The following INF2 variants were observed in gnomAD, a reference collection of about 807,000 sequenced individuals.
INF2 encodes inverted formin 2.
A neutral mutation model predicts 123.5 loss-of-function variants in INF2; 43 were observed. The ratio of observed to expected loss-of-function variants is 0.35; its 90% CI spans 0.27 to 0.45. The LOEUF (loss-of-function observed/expected upper bound fraction) is 0.45, where lower values mean the gene tolerates loss of function less well. Among genes scored for constraint, INF2 ranks in the 20% least tolerant of loss-of-function variants. INF2 has a pLI of 1.00. For missense variants in INF2, 1,453 were observed against 1,682.7 expected (o/e 0.86, Z 2.39); for synonymous variants, 851 against 745.0 (o/e 1.14, Z -2.32).
intron 17 of INF2, 52 bp from the exon 18 acceptor site, chr14:104,712,776 G>A (rs569321480): frequency 6.5e-7 from 1 of 1,547,580 alleles, no homozygotes; most frequent in Non-Finnish European, 8.7e-7. Context: ...CCTCACCCCG[G>A]GTGGTGCCCG....
In INF2 at chr14:104,712,888, C is replaced by T. The variant is rs926222455; in HGVS notation, c.2671C>T (p.Arg891Trp). The change falls in exon 18 of 23, where the codon CGG (arginine) becomes TGG (tryptophan). Residue 891 changes from arginine (R) to tryptophan (W), a missense_variant. Physicochemically the swap from Arg to Trp is moderately radical, Grantham distance 101. This residue lies in a region of INF2 where 212 missense variants were observed against 266.2 expected (regional missense o/e 0.80). Coordinates refer to ENST00000392634, the MANE Select transcript of INF2 (RefSeq NM_022489.4). ...ELFEAIEQKQ[R>W]ELADYLCEDA... is the part of the protein sequence containing the mutation. ...GTTTGAGGCCATCGAGCAGAAGCAA[C>T]GGGAGCTGGCCGACTACCTGTGTGA... is the stretch of plus-strand genomic sequence containing the variant. The T allele has an allele frequency of 4.3e-6, 7 of 1,612,568 alleles. No individual in the cohort carries two copies. Among genetic ancestry groups the T allele is most frequent in the East Asian group, 2.2e-5 (1 of 44,894 alleles).
rs1278033939 is a variant in INF2 at position 104,707,664 on chromosome 14, T to G, written c.1397T>G (p.Leu466Arg). 2 of 531,236 alleles carry G rather than the reference T, an allele frequency of 3.8e-6. No individual in the cohort carries two copies. The highest frequency in any genetic ancestry group is 6.0e-6 in the Non-Finnish European group (2 of 331,090). 32.9% of individuals were successfully genotyped at this position (531,236 alleles called of 1,614,324 possible). A position where few individuals can be genotyped will look rare whatever the true frequency, so the allele number is the denominator to read the frequency against. ...CCCCCGCCCCCACCCCTGCCAGGCC[T>G]GGGGGCCATGGCCCCCCCAGCACCT... Reference protein sequence around the residue: ...TAPPPPPLPGLGAMAPPAPPL... With the variant: ...TAPPPPPLPGRGAMAPPAPPL... The change falls in exon 8 of 23, where the codon CTG (leucine) becomes CGG (arginine). Residue 466 changes from leucine to arginine, a missense_variant. Transcript: ENST00000392634.
chr14:104,715,363 G>A (rs768669334), intron 22 of INF2, 23 bp downstream of exon 22: 15 of 1,609,144 alleles, frequency 9.3e-6, no homozygotes, highest in East Asian at 2.2e-5. Flanking sequence ...CCGGCGCTCC[G>A]TGGGGGCTAA....
chr14:104,694,990 CT>C (rs1279574171), intron 1 of INF2, among the ~76,000 whole-genome samples: 2 of 152,264 alleles, frequency 1.3e-5, no homozygotes, highest in Non-Finnish European at 2.9e-5. Flanking sequence ...TTGAGAGAGG[CT>C]TTTTCTGAGG....
upstream of INF2, chr14:104,689,135 GCT>G: frequency 4.5e-6 from 4 of 891,760 alleles, no homozygotes; most frequent in Non-Finnish European, 5.4e-6. Flanking sequence ...TGATGGGTAG[GCT>G]CTCTCTCCCC....
At chr14:104,688,062 T>C (rs1191519108), upstream of INF2, among the ~76,000 whole-genome samples, 1 of 152,250 alleles carries the variant, frequency 6.6e-6, no homozygotes, top group Non-Finnish European at 1.5e-5. Flanking sequence ...AGGAAGGCCT[T>C]CTGCTCTGGA....
At chr14:104,703,511 C>G in intron 4 of INF2, 57 bp downstream of exon 4, 1 of 1,594,458 alleles carries the variant, frequency 6.3e-7, no homozygotes, top group Non-Finnish European at 8.5e-7. Context: ...GCCAGTGCAT[C>G]CCATGCTGCA....
chr14:104,702,468 C>T (rs1168140859), intron 2 of INF2, among the ~76,000 whole-genome samples: 1 of 147,836 alleles, frequency 6.8e-6, no homozygotes, highest in Non-Finnish European at 1.5e-5. Context: ...GAGAGAAACC[C>T]TTGCTGTGCC....
Position 104,689,734 on chromosome 14 carries a change from C to T in INF2, c.-15C>T, listed in dbSNP as rs1412668812. ...CACCACCGCCCTCTGGCCGTTGCCT[C>T]ACCGGGTAAGTCCTTGGCCTCGGGG... On this transcript the variant is annotated 5_prime_UTR_variant, in exon 1 of 23. Coordinates refer to ENST00000392634, the MANE Select transcript of INF2 (RefSeq NM_022489.4). 13 of 985,018 alleles carry T rather than the reference C, an allele frequency of 1.3e-5. No homozygotes were observed. The highest frequency in any genetic ancestry group is 6.2e-5 in the Admixed American group (1 of 16,242). 61.0% of individuals were successfully genotyped at this position (985,018 alleles called of 1,614,324 possible). A position where few individuals can be genotyped will look rare whatever the true frequency, so the allele number is the denominator to read the frequency against.
chr14:104,712,830 C>G lies in INF2; in HGVS notation c.2613C>G (p.Ala871=), dbSNP rs2140692107. Residue 871 remains alanine, a splice_region_variant and synonymous_variant, in exon 18 of 23, where the codon GCC becomes GCG. Coordinates refer to ENST00000392634, the MANE Select transcript of INF2 (RefSeq NM_022489.4). ...CTGTCACGTGCCCTTGCCCCCAGGC[C>G]AGCATCTCGGCCTTCCGGGCACTGG... ...VQEQYTERLQ[A]SISAFRALDE... is the part of the protein sequence containing the mutation. The G allele has an allele frequency of 6.2e-7, 1 of 1,608,958 alleles. No individual in the cohort carries two copies. Among genetic ancestry groups the G allele is most frequent in the Non-Finnish European group, 8.5e-7 (1 of 1,177,206 alleles).
At chr14:104,698,623 T>C (rs1463116223) in intron 1 of INF2, among the ~76,000 whole-genome samples, 1 of 152,252 alleles carries the variant, frequency 6.6e-6, no homozygotes, top group African/African-American at 2.4e-5. Context: ...TTGGGGCCAG[T>C]GGCCAGATTG....
In INF2 at chr14:104,709,232, G is replaced by T. The variant is rs766973689; in HGVS notation, c.1950-49G>T. 2.8e-6 allele frequency: 4 copies of T among 1,444,762 alleles called. No homozygotes were observed. In the South Asian group the frequency reaches 4.7e-5, roughly 17 times the overall value. 89.5% of individuals were successfully genotyped at this position (1,444,762 alleles called of 1,614,324 possible). A position where few individuals can be genotyped will look rare whatever the true frequency, so the allele number is the denominator to read the frequency against. On this transcript the variant is annotated intron_variant, in intron 10 of 22. Transcript: ENST00000392634. ...GTGGGGTCCCAAAGAGGCTGGGTGG[G>T]GGTGACTCATGATTCACTCACCCCT...
At position 104,720,334 on chromosome 14, in the gene INF2, G is replaced by A. The variant is rs1031114546; in HGVS notation, c.*1541G>A. On this transcript the variant is annotated 3_prime_UTR_variant, in exon 23 of 23. Coordinates refer to ENST00000392634, the MANE Select transcript of INF2 (RefSeq NM_022489.4). ...GAATCCTGCTGCTGTGGACATTTGC[G>A]TAGTCCTCGTGTGGATGCTGCTGTG... 3 of 176,230 alleles carry A rather than the reference G, an allele frequency of 1.7e-5. No homozygotes were observed. Among genetic ancestry groups the A allele is most frequent in the African/African-American group, 2.4e-5 (1 of 41,340 alleles). The allele number at this position is 176,230 out of a possible 1,614,324, so 10.9% of individuals were successfully genotyped here. A position where few individuals can be genotyped will look rare whatever the true frequency, so the allele number is the denominator to read the frequency against.
rs749378453 is a variant in INF2, at chr14:104,714,771, G to T, written c.3609G>T (p.Gly1203=). ...AGGATGCGGTGACCGACTCCTCGGG[G>T]TCGGGCACACTCCCCAGGGCCCGGG... is the stretch of plus-strand genomic sequence containing the variant. The part of the protein sequence containing the change: ...FSEDAVTDSS[G]SGTLPRARGR... Residue 1203 remains glycine, a synonymous_variant, in exon 21 of 23, where the codon GGG becomes GGT. Transcript: ENST00000392634. The T allele has an allele frequency of 6.2e-6, 10 of 1,600,598 alleles. No individual in the cohort carries two copies. Among genetic ancestry groups the T allele is most frequent in the Non-Finnish European group, 7.7e-6 (9 of 1,174,710 alleles).
chr14:104,693,390 C>T lies in INF2; in HGVS notation c.-10+3651C>T, dbSNP rs368758209. ...CAGCCCTTGGTGGGCCAGAACTCAA[C>T]CAGGAGCCACACTGGGGGCGGAGGG... On this transcript the variant is annotated intron_variant, in intron 1 of 22. Transcript: ENST00000392634. Among the ~76,000 whole-genome samples, 9 of 152,324 alleles carry T rather than the reference C, an allele frequency of 5.9e-5. No homozygotes were observed. The East Asian group carries it at 1.4e-3, about 23-fold the overall frequency.
chr14:104,684,680 G>A (rs1888616504), upstream of INF2: 1 of 152,506 alleles, frequency 6.6e-6, no homozygotes. This position sits in a 1 kb window ranked among gnomAD's most constrained non-coding sequence, Gnocchi z 5.0. Flanking sequence ...AAAAACTCTT[G>A]GTGTGGTAGA....
chr14:104,712,544 G>A lies in INF2; in HGVS notation c.2601G>A (p.Glu867=), dbSNP rs562144111. The change falls in exon 17 of 23, where the codon GAG becomes GAA. Residue 867 remains glutamate, a synonymous_variant. Coordinates refer to ENST00000392634, the MANE Select transcript of INF2 (RefSeq NM_022489.4). ...CCGAGGTCCAGGAGCAGTACACCGA[G>A]CGCCTCCAGGCAAGTGGGCACCTGG... ...SVAEVQEQYT[E]RLQASISAFR... The A allele has an allele frequency of 6.2e-7, 1 of 1,612,668 alleles. No individual in the cohort carries two copies. The highest frequency in any genetic ancestry group is 1.3e-5 in the African/African-American group (1 of 75,064).
chr14:104,695,444 G>A (rs865972406), intron 1 of INF2, among the ~76,000 whole-genome samples: 19 of 152,228 alleles, frequency 1.2e-4, no homozygotes, highest in Middle Eastern at 6.8e-3. Flanking sequence ...GCCTGTAGAA[G>A]GCCCATTCGG....
At chr14:104,709,860 C>T (rs371824626) in intron 12 of INF2, among the ~76,000 whole-genome samples, 155 bp downstream of exon 12, 60 of 152,304 alleles carry the variant, frequency 3.9e-4, no homozygotes, top group Middle Eastern at 6.8e-3. Flanking sequence ...TTCTAAACAT[C>T]ACTCGAGCCC....
Sources: allele counts gnomAD v4.1 joint callset (sites outside exome capture counted in the v4.1 genomes callset), GRCh38; gene constraint gnomAD v4.1.1; regional missense constraint gnomAD v4.1.1; non-coding constraint Gnocchi (gnomAD v3.1); transcripts MANE v1.5; gene names NCBI Gene and HGNC (gene_info 2026-07-23, HGNC 2026-07-21).